IL17RC: variants seen among roughly 807,000 people sequenced by gnomAD.
IL17RC encodes interleukin 17 receptor C.
In IL17RC, 53 loss-of-function variants were observed where a neutral mutation model predicts 86.7. That is an observed-to-expected ratio of 0.61 (90% CI 0.49 to 0.77). IL17RC has a LOEUF of 0.77. Among genes scored for constraint, IL17RC ranks in the 30% least tolerant of loss-of-function variants. IL17RC has a pLI of 0.00. For missense variants in IL17RC, 957 were observed against 940.0 expected, an observed-to-expected ratio of 1.02 and a Z score of -0.24; for synonymous variants, 439 against 413.1, an observed-to-expected ratio of 1.06 and a Z score of -0.76.
chr3:9,929,685 A>T, intron 12 of IL17RC, 167 bp from the exon 13 acceptor site: 1 of 739,270 alleles, frequency 1.4e-6, no homozygotes, highest in Non-Finnish European at 2.4e-6. Context: ...GGGCAGAGAA[A>T]GATGTAGTGA....
At chr3:9,929,677 GCAGAGAAA>G (rs1306928614) in intron 12 of IL17RC, 167 bp from the exon 13 acceptor site, 39 of 722,160 alleles carry the variant, frequency 5.4e-5, no homozygotes, top group Non-Finnish European at 9.5e-5. Context: ...CAAGGCTGGG[GCAGAGAAA>G]GATGTAGTGA....
intron 9 of IL17RC, among the ~76,000 whole-genome samples, chr3:9,925,317 C>T (rs1294118546): frequency 5.9e-5 from 9 of 151,914 alleles, no homozygotes; most frequent in East Asian, 5.8e-4. Context: ...AGGGTTTCAC[C>T]GTGTTAGCCA....
chr3:9,930,266 C>CCATATT lies in IL17RC; in HGVS notation c.1278+119_1278+120insTATTCA. 3 of 1,534,824 alleles carry CCATATT rather than the reference C, an allele frequency of 2.0e-6. No individual in the cohort carries two copies. The South Asian group carries it at 3.5e-5, about 18-fold the overall frequency. ...CTGGGAACATGGGGGGTGACTCAGACCAGGGCCATATTCAGCGGCATCACC... is the reference window on the plus strand; with the variant it reads ...CTGGGAACATGGGGGGTGACTCAGACCATATTCAGGGCCATATTCAGCGGCATCACC... On this transcript the variant is annotated intron_variant, in intron 14 of 18. Transcript: ENST00000403601. The surrounding 1 kb of genome is among the most constrained non-coding windows in gnomAD (Gnocchi z 5.8).
chr3:9,933,570 C>CCT lies in IL17RC; in HGVS notation c.2141_2142dup (p.Gly715LeufsTer9), dbSNP rs780139479. 3 of 1,601,538 alleles carry CCT rather than the reference C, an allele frequency of 1.9e-6. No individual in the cohort carries two copies. In the South Asian group the frequency reaches 3.3e-5, roughly 18 times the overall value. Reference sequence around the variant, plus strand: ...ACGCGGGGTGGGACCAGGCGCGGGACCTGGGGCGGGGGACGGGACTTAAAT... The same window carrying CCT: ...ACGCGGGGTGGGACCAGGCGCGGGACCTCTGGGGCGGGGGACGGGACTTAAAT... On this transcript the variant is annotated frameshift_variant, in exon 19 of 19. Coordinates refer to ENST00000403601, the MANE Select transcript of IL17RC (RefSeq NM_153460.4). LOFTEE classifies it high-confidence loss of function.
intron 5 of IL17RC, 105 bp from the exon 6 acceptor site, chr3:9,920,386 G>A (rs760780737): frequency 2.3e-4 from 161 of 690,340 alleles, no homozygotes; most frequent in Non-Finnish European, 4.1e-4. Flanking sequence ...TCATTAGTTG[G>A]GGGAGGAGGG....
intron 8 of IL17RC, 54 bp from the exon 9 acceptor site, chr3:9,924,178 C>T (rs888466878): frequency 6.2e-7 from 1 of 1,611,504 alleles, no homozygotes; most frequent in African/African-American, 1.3e-5. Flanking sequence ...TGACTTTGGC[C>T]TCCTCCTCTT....
Position 9,918,552 on chromosome 3 carries a change from C to T in IL17RC, c.408C>T (p.Arg136=), listed in dbSNP as rs1422316850. ...CCTTCCAGGCCTACCCTACTGCCCG[C>T]TGCGTCCTGCTGGAGGTGCAAGTGC... is the stretch of plus-strand genomic sequence containing the variant. ...VLSFQAYPTA[R]CVLLEVQVPA... is the part of the protein sequence containing the mutation. Residue 136 remains arginine, a synonymous_variant, in exon 5 of 19, where the codon CGC becomes CGT. Coordinates refer to ENST00000403601, the MANE Select transcript of IL17RC (RefSeq NM_153460.4). 1.2e-6 allele frequency: 2 copies of T among 1,614,086 alleles called. No individual in the cohort carries two copies. The highest frequency in any genetic ancestry group is 3.3e-5 in the Admixed American group (2 of 60,002).
chr3:9,931,487 AT>A (rs2084685732), intron 16 of IL17RC, among the ~76,000 whole-genome samples: 1 of 136,784 alleles, frequency 7.3e-6, no homozygotes, highest in African/African-American at 2.9e-5. Context: ...ATATATATAT[AT>A]ATATATATAT....
At chr3:9,925,860 A>C (rs866349994) in intron 9 of IL17RC, among the ~76,000 whole-genome samples, 1 of 138,494 alleles carries the variant, frequency 7.2e-6, no homozygotes, top group African/African-American at 2.7e-5. Flanking sequence ...ATTTTCTTAA[A>C]TTTTTTTTTT....
At chr3:9,929,195 T>C (rs570017542) in intron 12 of IL17RC, 1 of 155,262 alleles carries the variant, frequency 6.4e-6, no homozygotes, top group Non-Finnish European at 1.4e-5. Context: ...GCACCTGTAG[T>C]CCCAGCTACT....
At chr3:9,925,553 C>T (rs1442760366) in intron 9 of IL17RC, among the ~76,000 whole-genome samples, 1 of 152,098 alleles carries the variant, frequency 6.6e-6, no homozygotes, top group African/African-American at 2.4e-5. Context: ...TGTTTCAACA[C>T]CTCCAAGCTC....
Position 9,930,250 on chromosome 3 carries a change from TG to T in IL17RC, c.1278+107del. Reference sequence around the variant, plus strand: ...CACCCTGTGCCGGTCTCTGGGAACATGGGGGGTGACTCAGACCAGGGCCATA... The same window carrying T: ...CACCCTGTGCCGGTCTCTGGGAACATGGGGGTGACTCAGACCAGGGCCATA... On this transcript the variant is annotated intron_variant, in intron 14 of 18. Coordinates refer to ENST00000403601, the MANE Select transcript of IL17RC (RefSeq NM_153460.4). This position sits in a 1 kb window ranked among gnomAD's most constrained non-coding sequence, Gnocchi z 5.8. 3.9e-6 allele frequency: 6 copies of T among 1,558,256 alleles called. No homozygotes were observed. Among genetic ancestry groups the T allele is most frequent in the South Asian group, 1.2e-5 (1 of 86,268 alleles).
At chr3:9,920,342 ATAG>A in intron 5 of IL17RC, 146 bp from the exon 6 acceptor site, 1 of 586,284 alleles carries the variant, frequency 1.7e-6, no homozygotes, top group Non-Finnish European at 3.1e-6. Context: ...AGAAAGGTGA[ATAG>A]TAGATTTCAG....
At chr3:9,924,487 G>C (rs2083882610) in intron 9 of IL17RC, among the ~76,000 whole-genome samples, 196 bp downstream of exon 9, 1 of 152,080 alleles carries the variant, frequency 6.6e-6, no homozygotes, top group Non-Finnish European at 1.5e-5. Context: ...TGCTCTCCCT[G>C]ATCCTCCACA....
chr3:9,929,043 G>A (rs141038724), intron 12 of IL17RC: 1,925 of 169,198 alleles, frequency 0.011, 18 homozygotes, highest in Middle Eastern at 0.029. Context: ...GGCCAGGCGC[G>A]GTGGCTCACG....
chr3:9,924,308 G>A lies in IL17RC; in HGVS notation c.822+17G>A, dbSNP rs759771372. 14 of 1,612,666 alleles carry A rather than the reference G, an allele frequency of 8.7e-6. No individual in the cohort carries two copies. The East Asian group carries it at 2.2e-4, about 26-fold the overall frequency. On this transcript the variant is annotated intron_variant, in intron 9 of 18. Transcript: ENST00000403601. ...TGTATTCAGGTAGGAGCAGAGTCTA[G>A]CTGGGTGCCAGAAGAGGAGTGGGAA...
chr3:9,919,243 T>G (rs2083346404), intron 5 of IL17RC: 1 of 152,210 alleles, frequency 6.6e-6, no homozygotes, highest in Non-Finnish European at 1.5e-5. Flanking sequence ...ACTGATGAAG[T>G]TGAGCACTTT....
chr3:9,919,293 A>C (rs1446013832), intron 5 of IL17RC: 1 of 152,126 alleles, frequency 6.6e-6, no homozygotes, highest in Non-Finnish European at 1.5e-5. Context: ...CTTCCTTGTG[A>C]AATATCTCTT....
rs1209984604 is a variant in IL17RC at position 9,917,957 on chromosome 3, G to T, written c.162G>T (p.Val54=). 6.2e-7 allele frequency: 1 copy of T among 1,613,566 alleles called. No individual in the cohort carries two copies. Among genetic ancestry groups the T allele is most frequent in the Non-Finnish European group, 8.5e-7 (1 of 1,180,028 alleles). ...SDILCLPGDI[V]PAPGPVLAPT... The stretch of plus-strand genomic sequence containing the variant: ...TACTCTGCCTGCCTGGGGACATCGT[G>T]CCTGCTCCGGGCCCCGTGCTGGCGC... Residue 54 remains valine (V), a synonymous_variant, in exon 3 of 19, where the codon GTG becomes GTT. Coordinates refer to ENST00000403601, the MANE Select transcript of IL17RC (RefSeq NM_153460.4).
Sources: allele counts gnomAD v4.1 joint callset (sites outside exome capture counted in the v4.1 genomes callset), GRCh38; gene constraint gnomAD v4.1.1; non-coding constraint Gnocchi (gnomAD v3.1); transcripts MANE v1.5; gene names NCBI Gene and HGNC (gene_info 2026-07-23, HGNC 2026-07-21).